SMTNL2: variants seen among roughly 807,000 people sequenced by gnomAD.
SMTNL2 encodes smoothelin-like protein 2.
In SMTNL2, 43 loss-of-function variants were observed where a neutral mutation model predicts 44.1. The observed-to-expected ratio is 0.98, with a 90% CI of 0.76 to 1.26. The LOEUF is 1.26. SMTNL2 is among the 50% of genes most tolerant of loss of function. The pLI, the probability that SMTNL2 is intolerant of heterozygous loss-of-function variation, is 0.00. For missense variants in SMTNL2, 646 were observed against 670.2 expected (o/e 0.96, Z 0.40); for synonymous variants, 317 against 287.6 (o/e 1.10, Z -1.03).
In SMTNL2 at chr17:4,607,224, T is replaced by C. The variant is rs1440745294; in HGVS notation, c.1260-137T>C. The C allele has an allele frequency of 8.8e-6, 12 of 1,365,070 alleles. No individual in the cohort carries two copies. The highest frequency in any genetic ancestry group is 9.0e-6 in the Non-Finnish European group (9 of 998,916). 84.6% of individuals were successfully genotyped at this position (1,365,070 alleles called of 1,614,324 possible). ...AAGGGTTCTGCCAGGGTTATCTGAA[T>C]TCCCCGCTGGTGGGTCCTTGGGAAC... is the stretch of plus-strand genomic sequence containing the variant. On this transcript the variant is annotated intron_variant, in intron 7 of 7. Transcript: ENST00000389313. This position sits in a 1 kb window ranked among gnomAD's most constrained non-coding sequence, Gnocchi z 4.7.
At chr17:4,588,370 G>T (rs891768236) in intron 1 of SMTNL2, among the ~76,000 whole-genome samples, 8 of 152,314 alleles carry the variant, frequency 5.3e-5, no homozygotes, top group Admixed American at 5.2e-4. Context: ...CCTCAGGCCT[G>T]GGCTCCCTCA....
intron 7 of SMTNL2, among the ~76,000 whole-genome samples, chr17:4,601,650 AG>A (rs1292918555): frequency 2.6e-5 from 4 of 151,572 alleles, no homozygotes; most frequent in Non-Finnish European, 4.4e-5. Context: ...CGGCCTCCCA[AG>A]TAGCTGGGAC....
chr17:4,591,535 C>T (rs1355295595), intron 1 of SMTNL2, among the ~76,000 whole-genome samples: 1 of 152,266 alleles, frequency 6.6e-6, no homozygotes, highest in Non-Finnish European at 1.5e-5. Flanking sequence ...CTGGCAGCAC[C>T]TACCGGGGAG....
Position 4,596,926 on chromosome 17 carries a change from C to T in SMTNL2, c.1056C>T (p.Ser352=), listed in dbSNP as rs948036983. 5.2e-6 allele frequency: 8 copies of T among 1,527,768 alleles called. No homozygotes were observed. The African/African-American group carries it at 9.6e-5, about 18-fold the overall frequency. 94.6% of individuals were successfully genotyped at this position (1,527,768 alleles called of 1,614,324 possible). ...SQSFGVASAS[S]IKQILLEWCR... is the part of the protein sequence containing the mutation. ...GCTTCGGCGTGGCCAGCGCCAGCAGCATCAAGCAGATCCTGCTCGAGTGGT... is the reference window on the plus strand; with the variant it reads ...GCTTCGGCGTGGCCAGCGCCAGCAGTATCAAGCAGATCCTGCTCGAGTGGT... Residue 352 remains serine, a synonymous_variant, in exon 6 of 8, where the codon AGC becomes AGT. Transcript: ENST00000389313.
intron 7 of SMTNL2, among the ~76,000 whole-genome samples, chr17:4,606,584 G>A (rs1164043780): frequency 6.6e-6 from 1 of 151,868 alleles, no homozygotes; most frequent in Admixed American, 6.6e-5. Context: ...AACATAGTGA[G>A]ACCCCATCTC....
At chr17:4,590,966 G>A (rs1431938797) in intron 1 of SMTNL2, among the ~76,000 whole-genome samples, 1 of 152,218 alleles carries the variant, frequency 6.6e-6, no homozygotes, top group Non-Finnish European at 1.5e-5. Context: ...GCATGATCAG[G>A]ATACCTGTGC....
chr17:4,598,824 T>A lies in SMTNL2; in HGVS notation c.1259+1501T>A, dbSNP rs550674997. The stretch of plus-strand genomic sequence containing the variant: ...GGGTGGCAGAGTGAGACGCCATCTC[T>A]AAAAAAAAAAAAAAAGTGGTCCTCA... On this transcript the variant is annotated intron_variant, in intron 7 of 7. Coordinates refer to ENST00000389313, the MANE Select transcript of SMTNL2 (RefSeq NM_001114974.2). This position sits in a 1 kb window ranked among gnomAD's most constrained non-coding sequence, Gnocchi z 4.8. 9.9e-4 allele frequency among the ~76,000 whole-genome samples: 137 copies of A among 138,808 alleles called. No homozygotes were observed. The highest frequency in any genetic ancestry group is 4.1e-3 in the South Asian group (18 of 4,382). 91.1% of individuals were successfully genotyped at this position (138,808 alleles called of 152,430 possible). A position where few individuals can be genotyped will look rare whatever the true frequency, so the allele number is the denominator to read the frequency against.
chr17:4,602,311 CTTTTTTTTTTT>C (rs35927212), intron 7 of SMTNL2, among the ~76,000 whole-genome samples: 4 of 43,760 alleles, frequency 9.1e-5, no homozygotes, highest in East Asian at 1.9e-3. Context: ...AAGGCAGGTG[CTTTTTTTTTTT>C]TTTTTTTTTT....
At chr17:4,602,895 C>CG in intron 7 of SMTNL2, among the ~76,000 whole-genome samples, 1 of 152,122 alleles carries the variant, frequency 6.6e-6, no homozygotes. Context: ...CCCTGCTCCC[C>CG]TAGGAACCCC....
intron 4 of SMTNL2, among the ~76,000 whole-genome samples, chr17:4,594,326 G>C (rs949816002): frequency 6.6e-6 from 1 of 152,116 alleles, no homozygotes; most frequent in African/African-American, 2.4e-5. Context: ...GTGGGTGCCT[G>C]TAATCCCAGC....
At chr17:4,588,923 A>G (rs1363259456) in intron 1 of SMTNL2, among the ~76,000 whole-genome samples, 1 of 152,044 alleles carries the variant, frequency 6.6e-6, no homozygotes, top group East Asian at 1.9e-4. Flanking sequence ...TGCTTTCCCC[A>G]TCTGTGTGAT....
intron 7 of SMTNL2, among the ~76,000 whole-genome samples, chr17:4,599,267 T>G (rs1909934970): frequency 6.6e-6 from 1 of 152,202 alleles, no homozygotes; most frequent in Admixed American, 6.5e-5. Flanking sequence ...GCTGTCATCC[T>G]AATTGCAGAA....
chr17:4,595,151 G>A lies in SMTNL2; in HGVS notation c.813G>A (p.Pro271=), dbSNP rs764287737. Residue 271 remains proline, a synonymous_variant, in exon 5 of 8, where the codon CCG becomes CCA. Transcript: ENST00000389313. The surrounding 1 kb of genome is among the most constrained non-coding windows in gnomAD (Gnocchi z 5.1). ...TCGGCGATTCTTTCCTCAGCCCACC[G>A]CTGGTGACACCACCCCAGTCGCCCG... ...VTASKHSNSP[P]LVTPPQSPVS... 126 of 1,613,006 alleles carry A rather than the reference G, an allele frequency of 7.8e-5. No individual in the cohort carries two copies. Among genetic ancestry groups the A allele is most frequent in the Middle Eastern group, 4.9e-4 (3 of 6,084 alleles).
chr17:4,602,311 C>CTTT lies in SMTNL2; in HGVS notation c.1259+5014_1259+5016dup, dbSNP rs35927212. 3.9e-4 allele frequency among the ~76,000 whole-genome samples: 17 copies of CTTT among 43,762 alleles called. 1 individual carries two copies. The East Asian group carries it at 0.011, about 27-fold the overall frequency. The allele number at this position is 43,762 out of a possible 152,430, so 28.7% of individuals were successfully genotyped here. A position where few individuals can be genotyped will look rare whatever the true frequency, so the allele number is the denominator to read the frequency against. On this transcript the variant is annotated intron_variant, in intron 7 of 7. Coordinates refer to ENST00000389313, the MANE Select transcript of SMTNL2 (RefSeq NM_001114974.2). ...GACAATCTGGGGTGGAAGGCAGGTG[C>CTTT]TTTTTTTTTTTTTTTTTTTTTTTTT... is the stretch of plus-strand genomic sequence containing the variant.
intron 1 of SMTNL2, among the ~76,000 whole-genome samples, chr17:4,588,641 G>A (rs749687916): frequency 6.6e-6 from 1 of 152,226 alleles, no homozygotes; most frequent in Non-Finnish European, 1.5e-5. Context: ...TCTGAGTTCT[G>A]TGAAGGTCCC....
upstream of SMTNL2, chr17:4,584,504 C>T: frequency 2.5e-6 from 3 of 1,187,148 alleles, no homozygotes; most frequent in African/African-American, 1.6e-5. Context: ...GGCAGCCCCT[C>T]GAGCGAAGCC....
intron 7 of SMTNL2, 71 bp downstream of exon 7, chr17:4,597,394 G>A: frequency 6.3e-7 from 1 of 1,577,094 alleles, no homozygotes; most frequent in Non-Finnish European, 8.6e-7. Flanking sequence ...CCCCAGGTGG[G>A]GCATGGGGGC....
rs1417521797 is a variant in SMTNL2, at chr17:4,592,808, A to G, written c.488-121A>G. ...GGAGGTCAGAGAGGCTGGAGCAGTC[A>G]GGGAGGCCTTCCTAGAGGAGGTGGG... On this transcript the variant is annotated intron_variant, in intron 2 of 7. Transcript: ENST00000389313. This position sits in a 1 kb window ranked among gnomAD's most constrained non-coding sequence, Gnocchi z 4.5. 2 of 1,361,458 alleles carry G rather than the reference A, an allele frequency of 1.5e-6. No individual in the cohort carries two copies. Among genetic ancestry groups the G allele is most frequent in the Non-Finnish European group, 2.0e-6 (2 of 1,006,800 alleles). 84.3% of individuals were successfully genotyped at this position (1,361,458 alleles called of 1,614,324 possible).
intron 7 of SMTNL2, among the ~76,000 whole-genome samples, chr17:4,602,777 C>T (rs1036527045): frequency 2.3e-4 from 35 of 152,086 alleles, no homozygotes; most frequent in Admixed American, 1.2e-3. Context: ...CTGTGGGAGG[C>T]GGAATTTGGA....
Sources: gnomAD v4.1 joint callset for allele counts (sites outside exome capture counted in the v4.1 genomes callset) on GRCh38, gnomAD v4.1.1 for gene constraint, Gnocchi (gnomAD v3.1) non-coding constraint, MANE v1.5 for transcripts, NCBI Gene and HGNC (gene_info 2026-07-23, HGNC 2026-07-21) for gene names.